The following SLC60A2 variants were observed in gnomAD, a reference collection of about 807,000 sequenced individuals.
The protein encoded by SLC60A2 is major facilitator superfamily domain containing 4B.
chr6:111,266,492 A>G, the SLC60A2 span: 15 of 1,614,172 alleles, frequency 9.3e-6, no homozygotes, highest in Non-Finnish European at 1.3e-5. Context: ...CTTCATCTTT[A>G]TTTCTGGTGC....
the SLC60A2 span, among the ~76,000 whole-genome samples, chr6:111,264,962 G>A: frequency 2.1e-4 from 32 of 152,034 alleles, no homozygotes; most frequent in Non-Finnish European, 3.7e-4. Context: ...GCATGGTGGC[G>A]CGTGCCTGTA....
At chr6:111,269,852 T>C in the SLC60A2 span, 124,864 of 152,186 alleles carry the variant, frequency 0.82, 51,432 homozygotes, top group Non-Finnish European at 0.86. Context: ...AATTAGCATT[T>C]ATCCTGCTGA....
the SLC60A2 span, among the ~76,000 whole-genome samples, chr6:111,277,191 A>G: frequency 6.6e-6 from 1 of 152,264 alleles, no homozygotes; most frequent in African/African-American, 2.4e-5. Context: ...GGCTTCATAA[A>G]TATTGGTAAT....
the SLC60A2 span, chr6:111,263,782 A>T: frequency 1.0e-6 from 1 of 1,003,920 alleles, no homozygotes; most frequent in Non-Finnish European, 1.6e-6. Context: ...GACTTGATCC[A>T]TGACTGCATG....
the SLC60A2 span, among the ~76,000 whole-genome samples, chr6:111,261,804 C>A: frequency 6.6e-6 from 1 of 152,010 alleles, no homozygotes; most frequent in Admixed American, 6.6e-5. Flanking sequence ...GTGTTGGCCA[C>A]GCTGGTCTCA....
chr6:111,274,379 A>G, the SLC60A2 span, among the ~76,000 whole-genome samples: 1 of 152,102 alleles, frequency 6.6e-6, no homozygotes, highest in Non-Finnish European at 1.5e-5. Flanking sequence ...CTTTCAGTCC[A>G]TATGTGTGTT....
the SLC60A2 span, among the ~76,000 whole-genome samples, chr6:111,274,301 T>A: frequency 1.3e-5 from 2 of 152,238 alleles, no homozygotes; most frequent in Non-Finnish European, 2.9e-5. Flanking sequence ...GTCTATTTTA[T>A]CTAAGCATAG....
chr6:111,259,361 C>T, the SLC60A2 span: 1 of 332,156 alleles, frequency 3.0e-6, no homozygotes. Context: ...TCTTTTGCCA[C>T]GAACACCTGC....
chr6:111,273,701 T>C, the SLC60A2 span, among the ~76,000 whole-genome samples: 32 of 152,136 alleles, frequency 2.1e-4, no homozygotes, highest in African/African-American at 7.0e-4. Flanking sequence ...CCAACTACTA[T>C]TGTAGTTGGA....
chr6:111,276,315 A>G, the SLC60A2 span, among the ~76,000 whole-genome samples: 2 of 152,124 alleles, frequency 1.3e-5, no homozygotes, highest in Non-Finnish European at 2.9e-5. Flanking sequence ...ATCTTATGGT[A>G]ATTCTATTTT....
the SLC60A2 span, among the ~76,000 whole-genome samples, chr6:111,274,436 G>T: frequency 2.0e-5 from 3 of 152,026 alleles, no homozygotes; most frequent in African/African-American, 7.2e-5. Flanking sequence ...TTGGGTAATG[G>T]GGTTTTTTGT....
the SLC60A2 span, among the ~76,000 whole-genome samples, chr6:111,260,192 TGA>T: frequency 3.3e-5 from 5 of 152,228 alleles, no homozygotes; most frequent in Non-Finnish European, 5.9e-5. Context: ...ATTACCGGCG[TGA>T]GCCACGGCGC....
chr6:111,262,063 A>C, the SLC60A2 span, among the ~76,000 whole-genome samples: 2 of 152,188 alleles, frequency 1.3e-5, no homozygotes, highest in East Asian at 3.9e-4. Context: ...TTTTTTAAAA[A>C]CTGAGAGGTG....
the SLC60A2 span, among the ~76,000 whole-genome samples, chr6:111,276,117 TTTAAGTCTATGA>T: frequency 6.6e-6 from 1 of 152,228 alleles, no homozygotes; most frequent in African/African-American, 2.4e-5. Context: ...TTCTTTCCTT[TTTAAGTCTATGA>T]TACACCATTG....
the SLC60A2 span, chr6:111,262,314 C>T: frequency 4.3e-6 from 7 of 1,613,772 alleles, no homozygotes; most frequent in South Asian, 3.3e-5. Context: ...AAACGTGAAC[C>T]GAAATATCAG....
At chr6:111,262,337 C>T in the SLC60A2 span, 2 of 1,614,124 alleles carry the variant, frequency 1.2e-6, no homozygotes, top group Non-Finnish European at 1.7e-6. Flanking sequence ...GTCTGTCTTT[C>T]ATTTTTGTGG....
the SLC60A2 span, chr6:111,262,327 G>A: frequency 3.1e-6 from 5 of 1,613,976 alleles, no homozygotes; most frequent in African/African-American, 5.3e-5. Flanking sequence ...AATATCAGTA[G>A]TCTGTCTTTC....
the SLC60A2 span, among the ~76,000 whole-genome samples, chr6:111,277,314 G>A: frequency 5.3e-5 from 8 of 152,342 alleles, no homozygotes; most frequent in Non-Finnish European, 7.3e-5. Flanking sequence ...TTGGAAGAGC[G>A]TGTTAGACAA....
chr6:111,262,043 A>G, the SLC60A2 span, among the ~76,000 whole-genome samples: 12 of 152,152 alleles, frequency 7.9e-5, no homozygotes, highest in Non-Finnish European at 1.8e-4. Context: ...GGATTGCAAC[A>G]AAAAAATAAT....
Sources: gnomAD v4.1 joint callset for allele counts (sites outside exome capture counted in the v4.1 genomes callset) on GRCh38, gnomAD v4.1.1 for gene constraint, MANE v1.5 for transcripts, NCBI Gene and HGNC (gene_info 2026-07-23, HGNC 2026-07-21) for gene names.